The following GALNT17 variants were observed in gnomAD, a reference collection of about 807,000 sequenced individuals.
The protein encoded by GALNT17 is polypeptide N-acetylgalactosaminyltransferase 17.
In GALNT17, 29 loss-of-function variants were observed where a neutral mutation model predicts 63.7. The observed-to-expected ratio is 0.46, with a 90% CI of 0.34 to 0.62. The LOEUF (loss-of-function observed/expected upper bound fraction) is 0.62. Ranked by LOEUF, GALNT17 falls within the 20% of genes least tolerant of loss-of-function variation. The probability of loss-of-function intolerance (pLI) is 0.01; values close to 1 mark genes in which losing one functional copy is unlikely to be tolerated. For synonymous variants in GALNT17, 305 were observed against 318.3 expected, an observed-to-expected ratio of 0.96 and a Z score of 0.45; for missense variants, 603 against 799.6, an observed-to-expected ratio of 0.75 and a Z score of 2.97.
chr7:71,545,328 TTTG>T (rs2116816857), intron 5 of GALNT17, among the ~76,000 whole-genome samples: 1 of 152,146 alleles, frequency 6.6e-6, no homozygotes, highest in African/African-American at 2.4e-5. Context: ...TTTTACTCGT[TTTG>T]TTGTTGTTTC....
At chr7:71,270,909 T>A (rs1195448460) in intron 1 of GALNT17, among the ~76,000 whole-genome samples, 1 of 150,832 alleles carries the variant, frequency 6.6e-6, no homozygotes, top group Non-Finnish European at 1.5e-5. Context: ...CTTAGTTTTG[T>A]CCTCATCTTA....
intron 5 of GALNT17, among the ~76,000 whole-genome samples, chr7:71,434,125 G>A (rs1281971664): frequency 6.6e-6 from 1 of 152,156 alleles, no homozygotes; most frequent in East Asian, 1.9e-4. Context: ...ATTGAAGGCT[G>A]CACTGTCAAC....
intron 5 of GALNT17, among the ~76,000 whole-genome samples, chr7:71,470,463 G>C (rs911433040): frequency 1.3e-5 from 2 of 152,032 alleles, no homozygotes; most frequent in Non-Finnish European, 2.9e-5. Flanking sequence ...AGTGCTTCCT[G>C]TGTAAAGGAT....
intron 4 of GALNT17, among the ~76,000 whole-genome samples, chr7:71,419,330 C>G (rs1415792184): frequency 1.3e-5 from 2 of 152,270 alleles, no homozygotes; most frequent in East Asian, 1.9e-4. Context: ...CTTAACCTCC[C>G]TGGTCCTCAG....
rs190983181 is a variant in GALNT17, at chr7:71,657,939, C to T, written c.1081-7472C>T. Among the ~76,000 whole-genome samples the T allele has an allele frequency of 2.7e-3, 411 of 151,862 alleles. 3 individuals are homozygous for T. The highest frequency in any genetic ancestry group is 0.018 in the Admixed American group (276 of 15,224). On this transcript the variant is annotated intron_variant, in intron 6 of 10. Transcript: ENST00000333538. Reference sequence around the variant, plus strand: ...ATGGATGGATTGACAGGGTCTTGCTCTGTCATCCAGGCTGGAGTGCGGTGG... The same window carrying T: ...ATGGATGGATTGACAGGGTCTTGCTTTGTCATCCAGGCTGGAGTGCGGTGG...
At chr7:71,423,844 C>T (rs1165577931) in intron 5 of GALNT17, among the ~76,000 whole-genome samples, 1 of 152,048 alleles carries the variant, frequency 6.6e-6, no homozygotes, top group Admixed American at 6.6e-5. Flanking sequence ...GTTGCTGGAG[C>T]CCAGGAGGTC....
chr7:71,661,389 C>T (rs1790905378), intron 6 of GALNT17, among the ~76,000 whole-genome samples: 1 of 152,058 alleles, frequency 6.6e-6, no homozygotes, highest in Non-Finnish European at 1.5e-5. Context: ...CTGGACTGGT[C>T]CTGGAGTTTG....
intron 1 of GALNT17, among the ~76,000 whole-genome samples, chr7:71,227,966 G>A (rs538042630): frequency 6.6e-6 from 1 of 152,116 alleles, no homozygotes; most frequent in Non-Finnish European, 1.5e-5. Context: ...CTCATCAGAT[G>A]CCTTCTTCCC....
At chr7:71,260,356 C>T (rs907078766) in intron 1 of GALNT17, among the ~76,000 whole-genome samples, 1 of 152,170 alleles carries the variant, frequency 6.6e-6, no homozygotes, top group Non-Finnish European at 1.5e-5. Context: ...CCAGGAGAGC[C>T]CAGGATCTGT....
chr7:71,348,745 T>C (rs985161677), intron 2 of GALNT17, among the ~76,000 whole-genome samples: 4 of 152,228 alleles, frequency 2.6e-5, no homozygotes, highest in African/African-American at 9.6e-5. Flanking sequence ...TGTAGACAGA[T>C]GAGAGCTGCA....
chr7:71,402,245 A>G (rs1215386713), intron 3 of GALNT17, among the ~76,000 whole-genome samples: 1 of 152,228 alleles, frequency 6.6e-6, no homozygotes, highest in Non-Finnish European at 1.5e-5. Flanking sequence ...CAGTTCATTC[A>G]TCGGTATTCA....
intron 2 of GALNT17, among the ~76,000 whole-genome samples, chr7:71,339,346 G>A (rs149795384): frequency 6.4e-4 from 97 of 152,296 alleles, no homozygotes; most frequent in African/African-American, 2.1e-3. Flanking sequence ...ATCTGAGAAA[G>A]TTTCTTGTTT....
chr7:71,194,769 C>T (rs183681299), intron 1 of GALNT17, among the ~76,000 whole-genome samples: 1 of 152,276 alleles, frequency 6.6e-6, no homozygotes, highest in African/African-American at 2.4e-5. Context: ...AGTTTTTCCC[C>T]TTTGGTTACT....
Position 71,571,320 on chromosome 7 carries a change from AC to A in GALNT17, c.999del (p.Asn333LysfsTer83). The A allele has an allele frequency of 6.2e-7, 1 of 1,614,118 alleles. No homozygotes were observed. Among genetic ancestry groups the A allele is most frequent in the Non-Finnish European group, 8.5e-7 (1 of 1,179,974 alleles). On this transcript the variant is annotated frameshift_variant, in exon 6 of 11. Transcript: ENST00000333538. LOFTEE classifies it high-confidence loss of function. ...ATGATAGGCTGCTCGTTCGTGGTCAACAGGAAGTTCTTCGGTGAAATTGGTC... is the reference window on the plus strand; with the variant it reads ...ATGATAGGCTGCTCGTTCGTGGTCAAAGGAAGTTCTTCGGTGAAATTGGTC... Reference protein sequence around the residue: ...PAMIGCSFVVNRKFFGEIGLL... With the variant: ...PAMIGCSFVVXRKFFGEIGLL...
chr7:71,133,189 C>T, intron 1 of GALNT17, 149 bp downstream of exon 1: 1 of 645,996 alleles, frequency 1.5e-6, no homozygotes, highest in South Asian at 2.3e-5. Context: ...TGCCCCGTTT[C>T]GGGCAGATGG....
intron 6 of GALNT17, among the ~76,000 whole-genome samples, chr7:71,647,910 C>T (rs888593733): frequency 6.6e-6 from 1 of 152,204 alleles, no homozygotes; most frequent in Admixed American, 6.5e-5. Context: ...AGCGGCCTGG[C>T]CCACCAACAG....
At chr7:71,343,281 G>C (rs1792037482) in intron 2 of GALNT17, among the ~76,000 whole-genome samples, 1 of 152,150 alleles carries the variant, frequency 6.6e-6, no homozygotes, top group African/African-American at 2.4e-5. Context: ...GATCCTTTTT[G>C]TTAAGCCCCA....
At chr7:71,394,493 A>G (rs1793103909) in intron 3 of GALNT17, among the ~76,000 whole-genome samples, 1 of 152,122 alleles carries the variant, frequency 6.6e-6, no homozygotes, top group African/African-American at 2.4e-5. Flanking sequence ...AGTCTGCTCC[A>G]CTTTATGTGT....
intron 1 of GALNT17, among the ~76,000 whole-genome samples, chr7:71,236,818 G>T (rs1357411272): frequency 6.6e-6 from 1 of 152,220 alleles, no homozygotes; most frequent in African/African-American, 2.4e-5. Flanking sequence ...TGATGGTCGT[G>T]CTGGGAGAAA....
Sources: gnomAD v4.1 joint callset for allele counts (sites outside exome capture counted in the v4.1 genomes callset) on GRCh38, gnomAD v4.1.1 for gene constraint, MANE v1.5 for transcripts, NCBI Gene and HGNC (gene_info 2026-07-23, HGNC 2026-07-21) for gene names.